The following DLC1 variants were observed in gnomAD, a reference collection of about 807,000 sequenced individuals.
The protein encoded by DLC1 is rho GTPase-activating protein 7.
Under a neutral mutation model 140.3 loss-of-function variants are expected in DLC1, and 54 were observed. The observed-to-expected ratio is 0.38, with a 90% CI of 0.31 to 0.48. The LOEUF (loss-of-function observed/expected upper bound fraction) is 0.48. Ranked by LOEUF, DLC1 falls within the 20% of genes least tolerant of loss-of-function variation. The pLI is 0.96. For synonymous variants in DLC1, 986 were observed against 728.1 expected, an observed-to-expected ratio of 1.35 and a Z score of -5.70; for missense variants, 2,536 against 1,907.0, an observed-to-expected ratio of 1.33 and a Z score of -6.14.
intron 2 of DLC1, among the ~76,000 whole-genome samples, chr8:13,469,395 C>T (rs1800103906): frequency 2.6e-5 from 4 of 152,154 alleles, no homozygotes; most frequent in Non-Finnish European, 5.9e-5. Flanking sequence ...CTCTGACTCC[C>T]TGAGCTCTGA....
chr8:13,115,592 A>G lies in DLC1; in HGVS notation c.1414T>C (p.Tyr472His). Residue 472 changes from tyrosine to histidine, a missense_variant, in exon 6 of 18, where the codon TAT becomes CAT. Physicochemically the swap from Tyr to His is moderately conservative, Grantham distance 83. Transcript: ENST00000276297. ...AGTGGCATTCCCAGCTTACCTTCATAAAGCTGTGCATACTGGGGGAAACCA... is the reference window on the plus strand; with the variant it reads ...AGTGGCATTCCCAGCTTACCTTCATGAAGCTGTGCATACTGGGGGAAACCA... ...ATGFPQYAQL[Y>H]EDFLFPIDIS... 1 of 1,613,502 alleles carries G rather than the reference A, an allele frequency of 6.2e-7. No individual in the cohort carries two copies. The highest frequency in any genetic ancestry group is 8.5e-7 in the Non-Finnish European group (1 of 1,179,714).
chr8:13,267,227 C>A (rs749268572), intron 5 of DLC1, among the ~76,000 whole-genome samples: 1 of 152,028 alleles, frequency 6.6e-6, no homozygotes, highest in African/African-American at 2.4e-5. Flanking sequence ...TACTTTTAGA[C>A]CTGAAATGGG....
intron 5 of DLC1, among the ~76,000 whole-genome samples, chr8:13,237,989 C>G (rs1421939175): frequency 6.6e-6 from 1 of 152,090 alleles, no homozygotes; most frequent in Non-Finnish European, 1.5e-5. Context: ...AAGAAACGAA[C>G]AGGTGAAAAT....
intron 5 of DLC1, among the ~76,000 whole-genome samples, chr8:13,220,172 G>A (rs1828470980): frequency 6.6e-6 from 1 of 152,092 alleles, no homozygotes; most frequent in Non-Finnish European, 1.5e-5. Context: ...TGATTAAAAT[G>A]GTGAATTTTA....
chr8:13,305,355 G>C (rs950728771), intron 4 of DLC1, 53 bp from the exon 5 acceptor site: 3 of 1,505,290 alleles, frequency 2.0e-6, no homozygotes, highest in Non-Finnish European at 1.8e-6. Flanking sequence ...ACATCAGAAA[G>C]CATCATTAGA....
At chr8:13,566,847 C>T in intron 1 of DLC1, 1 of 1,115,802 alleles carries the variant, frequency 9.0e-7, no homozygotes, top group Non-Finnish European at 1.2e-6. Flanking sequence ...GTTGCCAAGA[C>T]AGCTGGGAAG....
chr8:13,440,829 TAAG>T (rs1798473798), intron 2 of DLC1, among the ~76,000 whole-genome samples: 1 of 152,172 alleles, frequency 6.6e-6, no homozygotes, highest in Non-Finnish European at 1.5e-5. Context: ...TGCTGCCACG[TAAG>T]AAGTGCCTTT....
intron 4 of DLC1, among the ~76,000 whole-genome samples, chr8:13,326,568 G>C (rs537768265): frequency 2.6e-4 from 40 of 152,236 alleles, no homozygotes; most frequent in African/African-American, 9.6e-4. Flanking sequence ...AAATTATCTT[G>C]TCTCCACCAA....
chr8:13,581,459 T>G (rs933795271), intron 1 of DLC1, among the ~76,000 whole-genome samples: 1 of 152,218 alleles, frequency 6.6e-6, no homozygotes, highest in African/African-American at 2.4e-5. Context: ...GGCAACAATC[T>G]TGGTACTAAA....
chr8:13,309,022 C>G (rs1161588954), intron 4 of DLC1, among the ~76,000 whole-genome samples: 2 of 152,054 alleles, frequency 1.3e-5, no homozygotes, highest in Non-Finnish European at 2.9e-5. Context: ...ACACCGAATG[C>G]CTATTTGAAT....
chr8:13,233,521 C>T (rs554820667), intron 5 of DLC1, among the ~76,000 whole-genome samples: 268 of 151,672 alleles, frequency 1.8e-3, no homozygotes, highest in African/African-American at 6.2e-3. Flanking sequence ...TTTTAAGGGC[C>T]GAATATTATT....
At chr8:13,252,923 C>A (rs1830074769) in intron 5 of DLC1, among the ~76,000 whole-genome samples, 1 of 152,086 alleles carries the variant, frequency 6.6e-6, no homozygotes, top group Non-Finnish European at 1.5e-5. Context: ...TATCAAGAAC[C>A]CAAACAAGAA....
At chr8:13,497,976 C>T (rs1257512008) in intron 2 of DLC1, among the ~76,000 whole-genome samples, 1 of 152,096 alleles carries the variant, frequency 6.6e-6, no homozygotes, top group Non-Finnish European at 1.5e-5. Flanking sequence ...TCTATGAAAA[C>T]CAGATTTCTT....
chr8:13,342,923 A>T (rs1463446705), intron 4 of DLC1, among the ~76,000 whole-genome samples: 2 of 152,036 alleles, frequency 1.3e-5, no homozygotes, highest in African/African-American at 4.8e-5. Context: ...TACATCAATG[A>T]CAAGACGAAT....
At chr8:13,319,819 C>CCTTTTTTTT (rs1833017279) in intron 4 of DLC1, among the ~76,000 whole-genome samples, 1 of 76,150 alleles carries the variant, frequency 1.3e-5, no homozygotes, top group South Asian at 5.4e-4. Flanking sequence ...TTCTCTCTCT[C>CCTTTTTTTT]TCTTTTTTTT....
chr8:13,324,480 A>C (rs1248345245), intron 4 of DLC1, among the ~76,000 whole-genome samples: 5 of 148,008 alleles, frequency 3.4e-5, no homozygotes, highest in Non-Finnish European at 7.4e-5. Flanking sequence ...AGGCAGGAGA[A>C]TGGCGTGAAC....
chr8:13,519,790 A>G (rs538275262), upstream of DLC1, among the ~76,000 whole-genome samples: 1 of 152,314 alleles, frequency 6.6e-6, no homozygotes, highest in East Asian at 1.9e-4. Context: ...GAAAAAAACA[A>G]CCCCATCAAA....
chr8:13,127,598 T>G (rs1252090806), intron 5 of DLC1, among the ~76,000 whole-genome samples: 4 of 152,102 alleles, frequency 2.6e-5, no homozygotes, highest in South Asian at 2.1e-4. Context: ...GTCACTTGAG[T>G]GTGAGGAGGG....
At chr8:13,141,045 G>A (rs955138917) in intron 5 of DLC1, among the ~76,000 whole-genome samples, 6 of 148,004 alleles carry the variant, frequency 4.1e-5, no homozygotes, top group Admixed American at 2.7e-4. Flanking sequence ...ACGTGGGGTC[G>A]GGAGTTCGAG....
Sources: allele counts gnomAD v4.1 joint callset (sites outside exome capture counted in the v4.1 genomes callset), GRCh38; gene constraint gnomAD v4.1.1; transcripts MANE v1.5; gene names NCBI Gene and HGNC (gene_info 2026-07-23, HGNC 2026-07-21).